The following BAZ2A variants were observed in gnomAD, a reference collection of about 807,000 sequenced individuals.
The protein encoded by BAZ2A is bromodomain adjacent to zinc finger domain protein 2A.
A neutral mutation model predicts 199.9 loss-of-function variants in BAZ2A; 34 were observed. The ratio of observed to expected loss-of-function variants is 0.17; its 90% CI spans 0.13 to 0.23. BAZ2A has a LOEUF of 0.23. Among genes scored for constraint, BAZ2A ranks in the 10% least tolerant of loss-of-function variants. The probability of loss-of-function intolerance (pLI) is 1.00; values close to 1 mark genes in which losing one functional copy is unlikely to be tolerated. For synonymous variants in BAZ2A, 857 were observed against 883.9 expected (o/e 0.97, Z 0.54); for missense variants, 2,002 against 2,391.1 (o/e 0.84, Z 3.39).
At position 56,598,245 on chromosome 12, in the gene BAZ2A, A is replaced by AT. The variant is rs1257378466; in HGVS notation, c.*372dup. Reference sequence around the variant, plus strand: ...TCACTAGAACTATTGCTATTGTTAAATAACCCCAGAATGCTGGGGCACGTA... The same window carrying AT: ...TCACTAGAACTATTGCTATTGTTAAATTAACCCCAGAATGCTGGGGCACGTA... On this transcript the variant is annotated 3_prime_UTR_variant, in exon 29 of 29. Transcript: ENST00000549884. 4.3e-6 allele frequency: 1 copy of AT among 233,180 alleles called. No homozygotes were observed. Among genetic ancestry groups the AT allele is most frequent in the East Asian group, 1.1e-4 (1 of 8,934 alleles). The allele number at this position is 233,180 out of a possible 1,614,324, so 14.4% of individuals were successfully genotyped here.
Position 56,598,962 on chromosome 12 carries a change from C to G in BAZ2A, c.5452G>C (p.Glu1818Gln), listed in dbSNP as rs765215736. The part of the protein sequence containing the change: ...ESHDAAWPFL[E>Q]PVNPRLVSGY... The stretch of plus-strand genomic sequence containing the variant: ...CTCACCAAACGTGGGTTCACAGGCT[C>G]TAGGAAAGGCCAGGCTGCATCATGG... The change falls in exon 28 of 29, where the codon GAG (glutamate) becomes CAG (glutamine). Residue 1818 changes from glutamate (E) to glutamine (Q), a missense_variant. By Grantham distance (29) the Glu-to-Gln change is conservative (BLOSUM62 2). Around this residue, in one of 6 missense-constraint regions of BAZ2A, gnomAD observed 76 missense variants for 139.3 expected, o/e 0.55. Coordinates refer to ENST00000549884, the MANE Select transcript of BAZ2A (RefSeq NM_001300905.2). The G allele has an allele frequency of 8.7e-6, 14 of 1,609,898 alleles. No individual in the cohort carries two copies. The East Asian group carries it at 3.1e-4, about 36-fold the overall frequency.
At chr12:56,620,662 C>A (rs531758638) in intron 1 of BAZ2A, among the ~76,000 whole-genome samples, 1 of 151,602 alleles carries the variant, frequency 6.6e-6, no homozygotes, top group Non-Finnish European at 1.5e-5. Flanking sequence ...CAGGTTCAAG[C>A]GATTCTCCTG....
upstream of BAZ2A, among the ~76,000 whole-genome samples, chr12:56,637,828 A>G (rs1951481201): frequency 6.6e-6 from 1 of 152,134 alleles, no homozygotes; most frequent in Non-Finnish European, 1.5e-5. Context: ...AGGCCCTACT[A>G]AGATCACACT....
intron 1 of BAZ2A, 66 bp from the exon 2 acceptor site, chr12:56,617,598 C>A: frequency 6.7e-7 from 1 of 1,490,712 alleles, no homozygotes; most frequent in Non-Finnish European, 9.1e-7. Flanking sequence ...CACCTGGAAT[C>A]TTCCAGGGGC....
At chr12:56,623,540 C>G (rs1276894621) in intron 1 of BAZ2A, among the ~76,000 whole-genome samples, 1 of 152,196 alleles carries the variant, frequency 6.6e-6, no homozygotes, top group Non-Finnish European at 1.5e-5. Context: ...AATCACACCA[C>G]TACATTTTAG....
intron 1 of BAZ2A, among the ~76,000 whole-genome samples, chr12:56,623,432 T>C (rs1043925056): frequency 1.3e-5 from 2 of 152,132 alleles, no homozygotes; most frequent in African/African-American, 4.8e-5. Context: ...TTCATTCTTC[T>C]CATGTAGTAC....
At chr12:56,634,256 C>T (rs1416619144), upstream of BAZ2A, among the ~76,000 whole-genome samples, 1 of 152,200 alleles carries the variant, frequency 6.6e-6, no homozygotes, top group East Asian at 1.9e-4. Context: ...CCCACGCACT[C>T]TCTCCCAACT....
In BAZ2A at chr12:56,613,247, T is replaced by C. The variant is rs2137033507; in HGVS notation, c.917-14A>G. 1.2e-6 allele frequency: 2 copies of C among 1,610,866 alleles called. No homozygotes were observed. The highest frequency in any genetic ancestry group is 1.7e-6 in the Non-Finnish European group (2 of 1,177,356). On this transcript the variant is annotated splice_polypyrimidine_tract_variant and intron_variant, in intron 4 of 28. Coordinates refer to ENST00000549884, the MANE Select transcript of BAZ2A (RefSeq NM_001300905.2). ...CACTCACTGGCTCTGTTTACAAGGG[T>C]AGAAAAATCAGAGCAGGATAATGAG...
In BAZ2A at chr12:56,599,234, C is replaced by T. The variant is rs201934985; in HGVS notation, c.5297G>A (p.Arg1766Gln). 2.4e-5 allele frequency: 38 copies of T among 1,613,106 alleles called. No homozygotes were observed. Among genetic ancestry groups the T allele is most frequent in the African/African-American group, 1.5e-4 (11 of 75,040 alleles). The change falls in exon 27 of 29, where the codon CGA becomes CAA. Residue 1766 changes from arginine (R) to glutamine (Q), a missense_variant. Around this residue, in one of 6 missense-constraint regions of BAZ2A, gnomAD observed 122 missense variants for 123.0 expected, o/e 0.99. Coordinates refer to ENST00000549884, the MANE Select transcript of BAZ2A (RefSeq NM_001300905.2). ...GRRRRVLLRGRESPAAGPRYS... is the reference protein window; with the variant it reads ...GRRRRVLLRGQESPAAGPRYS... ...CCGAGGCCCTGCTGCTGGGCTTTCT[C>T]GGCCCCTCAACAGTACCCGGCGTCG...
rs1373055551 is a variant in BAZ2A, at chr12:56,596,890, C to T, written c.*1728G>A. The T allele has an allele frequency of 3.9e-5, 6 of 152,474 alleles. No individual in the cohort carries two copies. Among genetic ancestry groups the T allele is most frequent in the Admixed American group, 3.9e-4 (6 of 15,282 alleles). The allele number at this position is 152,474 out of a possible 1,614,324, so 9.4% of individuals were successfully genotyped here. On this transcript the variant is annotated 3_prime_UTR_variant, in exon 29 of 29. Coordinates refer to ENST00000549884, the MANE Select transcript of BAZ2A (RefSeq NM_001300905.2). ...AATAAAGGGGCTGCCCCAGGACCTA[C>T]ACTGCCCCTACCCCCTTCAGTGGCT...
chr12:56,609,445 G>A lies in BAZ2A; in HGVS notation c.2092+291C>T, dbSNP rs564881008. On this transcript the variant is annotated intron_variant, in intron 10 of 28. Coordinates refer to ENST00000549884, the MANE Select transcript of BAZ2A (RefSeq NM_001300905.2). ...CAACTGAACCAGTATATGATAAGGAGCTAAAAGATGGAAAGAAAGGGCAAG... is the reference window on the plus strand; with the variant it reads ...CAACTGAACCAGTATATGATAAGGAACTAAAAGATGGAAAGAAAGGGCAAG... 2.0e-4 allele frequency among the ~76,000 whole-genome samples: 30 copies of A among 152,318 alleles called. No individual in the cohort carries two copies. The South Asian group carries it at 5.8e-3, about 29-fold the overall frequency.
chr12:56,612,355 G>A, intron 5 of BAZ2A, 109 bp from the exon 6 acceptor site: 12 of 939,018 alleles, frequency 1.3e-5, no homozygotes, highest in Non-Finnish European at 1.9e-5. Context: ...TTACTTCAAG[G>A]GGTCTTCCCT....
At chr12:56,627,825 CAA>C (rs547754562) in intron 1 of BAZ2A, among the ~76,000 whole-genome samples, 41 of 58,184 alleles carry the variant, frequency 7.0e-4, no homozygotes, top group Admixed American at 1.2e-3. Context: ...GACCCTGTCT[CAA>C]AAAAAAAAAA....
chr12:56,627,917 C>G (rs576373604), intron 1 of BAZ2A, among the ~76,000 whole-genome samples: 115 of 151,120 alleles, frequency 7.6e-4, no homozygotes, highest in African/African-American at 2.6e-3. Context: ...CATGGTGGCT[C>G]ACACCTGTAA....
intron 5 of BAZ2A, 29 bp from the exon 6 acceptor site, chr12:56,612,275 T>TAAA: frequency 1.6e-6 from 2 of 1,253,404 alleles, no homozygotes; most frequent in Non-Finnish European, 2.2e-6. Flanking sequence ...GGATAGGCTT[T>TAAA]AAAAAAAAAA....
Position 56,598,951 on chromosome 12 carries a change from G to A in BAZ2A, c.5463C>T (p.Asn1821=), listed in dbSNP as rs1363758114. Residue 1821 remains asparagine, a synonymous_variant, in exon 28 of 29, where the codon AAC becomes AAT. Coordinates refer to ENST00000549884, the MANE Select transcript of BAZ2A (RefSeq NM_001300905.2). ...DAAWPFLEPV[N]PRLVSGYRRI... ...GCCGGTACCCACTCACCAAACGTGG[G>A]TTCACAGGCTCTAGGAAAGGCCAGG... 1.9e-6 allele frequency: 3 copies of A among 1,609,484 alleles called. No individual in the cohort carries two copies. The highest frequency in any genetic ancestry group is 2.5e-6 in the Non-Finnish European group (3 of 1,178,018).
At chr12:56,617,748 C>G (rs1399478851) in intron 1 of BAZ2A, among the ~76,000 whole-genome samples, 1 of 152,174 alleles carries the variant, frequency 6.6e-6, no homozygotes, top group Non-Finnish European at 1.5e-5. Context: ...TTAAAGCCAG[C>G]TTTGTAGATT....
rs139945565 is a variant in BAZ2A at position 56,616,686 on chromosome 12, C to T, written c.136+709G>A. Among the ~76,000 whole-genome samples the T allele has an allele frequency of 3.3e-3, 507 of 152,212 alleles. 2 individuals carry two copies. The highest frequency in any genetic ancestry group is 0.012 in the African/African-American group (491 of 41,520). On this transcript the variant is annotated intron_variant, in intron 2 of 28. Transcript: ENST00000549884. ...AGCTTCTACCATCTGCAACCCTCTTCGAGAGGATCGGAGGGAGAAGTAGCA... is the reference window on the plus strand; with the variant it reads ...AGCTTCTACCATCTGCAACCCTCTTTGAGAGGATCGGAGGGAGAAGTAGCA...
At chr12:56,607,295 CT>C (rs958883037) in intron 10 of BAZ2A, among the ~76,000 whole-genome samples, 2 of 152,220 alleles carry the variant, frequency 1.3e-5, no homozygotes, top group African/African-American at 4.8e-5. Flanking sequence ...GAATTTCTTC[CT>C]TTCGGGAAGA....
Sources: gnomAD v4.1 joint callset for allele counts (sites outside exome capture counted in the v4.1 genomes callset) on GRCh38, gnomAD v4.1.1 for gene constraint, gnomAD v4.1.1 regional missense constraint, MANE v1.5 for transcripts, NCBI Gene and HGNC (gene_info 2026-07-23, HGNC 2026-07-21) for gene names.